The following AUTS2 variants were observed in gnomAD, a reference collection of about 807,000 sequenced individuals.
AUTS2 encodes activator of transcription and developmental regulator AUTS2, also known as autism susceptibility gene 2 protein.
A neutral mutation model predicts 112.4 loss-of-function variants in AUTS2; 17 were observed. The ratio of observed to expected loss-of-function variants is 0.15; its 90% confidence interval spans 0.10 to 0.23. The LOEUF (loss-of-function observed/expected upper bound fraction) is 0.23. AUTS2 is among the 10% of genes least tolerant of loss of function. The probability of loss-of-function intolerance (pLI) is 1.00; values close to 1 mark genes in which losing one functional copy is unlikely to be tolerated. For missense variants in AUTS2, 1,510 were observed against 1,701.6 expected (o/e 0.89, Z 1.98); for synonymous variants, 751 against 702.7 (o/e 1.07, Z -1.09).
intron 1 of AUTS2, among the ~76,000 whole-genome samples, chr7:69,633,564 A>C (rs1338512499): frequency 6.6e-6 from 1 of 151,908 alleles, no homozygotes; most frequent in Non-Finnish European, 1.5e-5. Flanking sequence ...ATTCCCACCA[A>C]CCGTATACAA....
intron 5 of AUTS2, among the ~76,000 whole-genome samples, chr7:70,616,870 G>A (rs2129535619): frequency 6.6e-6 from 1 of 151,268 alleles, no homozygotes; most frequent in East Asian, 2.0e-4. Context: ...GAGGAGATCT[G>A]AAGTGACAAG....
chr7:70,391,818 A>G (rs375042769), intron 4 of AUTS2, among the ~76,000 whole-genome samples: 1 of 152,214 alleles, frequency 6.6e-6, no homozygotes, highest in Non-Finnish European at 1.5e-5. Flanking sequence ...AAGAAATGGC[A>G]AAAGCAAATC....
intron 1 of AUTS2, among the ~76,000 whole-genome samples, chr7:69,743,335 A>G (rs901606074): frequency 1.3e-5 from 2 of 152,208 alleles, no homozygotes; most frequent in African/African-American, 2.4e-5. Context: ...GTCAGTAGCC[A>G]GGGCTTCCTT....
At chr7:69,906,624 G>C (rs1221537156) in intron 2 of AUTS2, among the ~76,000 whole-genome samples, 1 of 152,136 alleles carries the variant, frequency 6.6e-6, no homozygotes, top group Non-Finnish European at 1.5e-5. Context: ...TGAAATTGTG[G>C]GTGGGCTTTA....
At chr7:69,858,513 T>C (rs1232521850) in intron 1 of AUTS2, among the ~76,000 whole-genome samples, 1 of 152,232 alleles carries the variant, frequency 6.6e-6, no homozygotes, top group Non-Finnish European at 1.5e-5. Context: ...TCTGACTTTC[T>C]GTGAAACTCC....
At chr7:70,159,091 C>T (rs1807941614) in intron 4 of AUTS2, among the ~76,000 whole-genome samples, 1 of 152,152 alleles carries the variant, frequency 6.6e-6, no homozygotes, top group Admixed American at 6.5e-5. Context: ...TTAATCATCT[C>T]CTCTCTGAAC....
chr7:69,804,311 A>G (rs1222206550), intron 1 of AUTS2, among the ~76,000 whole-genome samples: 1 of 152,202 alleles, frequency 6.6e-6, no homozygotes, highest in Non-Finnish European at 1.5e-5. Context: ...AAAGCACAGT[A>G]GTGTTGCAGG....
chr7:70,103,628 TGG>T (rs1235443904), intron 2 of AUTS2, among the ~76,000 whole-genome samples: 1 of 152,140 alleles, frequency 6.6e-6, no homozygotes, highest in Non-Finnish European at 1.5e-5. Flanking sequence ...AACAGTAGGC[TGG>T]GTGCAGTGGC....
chr7:69,935,086 C>T (rs990455676), intron 2 of AUTS2, among the ~76,000 whole-genome samples: 1 of 152,128 alleles, frequency 6.6e-6, no homozygotes, highest in Non-Finnish European at 1.5e-5. Context: ...GTCCCTGCCC[C>T]ATATAAGCTC....
intron 5 of AUTS2, among the ~76,000 whole-genome samples, chr7:70,641,539 G>A (rs545874867): frequency 6.5e-4 from 99 of 152,216 alleles, no homozygotes; most frequent in African/African-American, 9.2e-4. Flanking sequence ...GCAACAGAGC[G>A]AGACTCCATC....
chr7:70,090,009 CAAATAAAT>C (rs34279658), intron 2 of AUTS2, among the ~76,000 whole-genome samples: 41 of 144,416 alleles, frequency 2.8e-4, no homozygotes, highest in African/African-American at 4.6e-4. Flanking sequence ...TGTTTCAAAA[CAAATAAAT>C]AAATAAATAA....
intron 1 of AUTS2, among the ~76,000 whole-genome samples, chr7:69,776,759 C>T (rs1406058897): frequency 1.3e-5 from 2 of 152,054 alleles, no homozygotes; most frequent in African/African-American, 4.8e-5. Context: ...GAAGGTATTC[C>T]AGGAATGTTT....
intron 5 of AUTS2, among the ~76,000 whole-genome samples, chr7:70,500,798 T>A (rs1301978274): frequency 6.6e-6 from 1 of 152,024 alleles, no homozygotes; most frequent in Non-Finnish European, 1.5e-5. Context: ...CTCGGCTCAC[T>A]GCAACTTCAG....
intron 2 of AUTS2, among the ~76,000 whole-genome samples, chr7:70,109,792 C>T (rs1372939294): frequency 6.6e-6 from 1 of 152,150 alleles, no homozygotes; most frequent in Non-Finnish European, 1.5e-5. Context: ...CCCTGTCCCC[C>T]ATCATGGCTT....
rs377590614 is a variant in AUTS2, at chr7:70,048,222, C to T, written c.523-69910C>T. Among the ~76,000 whole-genome samples, 7 of 152,308 alleles carry T rather than the reference C, an allele frequency of 4.6e-5. No homozygotes were observed. In the East Asian group the frequency reaches 1.2e-3, roughly 25 times the overall value. On this transcript the variant is annotated intron_variant, in intron 2 of 18. Coordinates refer to ENST00000342771, the MANE Select transcript of AUTS2 (RefSeq NM_015570.4). ...TCTCTCTCATGCAACATGCATTCCT[C>T]GTGTCTCCAGCTGTTTGCTGTTCTC...
At chr7:69,675,076 G>T (rs1425730143) in intron 1 of AUTS2, among the ~76,000 whole-genome samples, 1 of 152,184 alleles carries the variant, frequency 6.6e-6, no homozygotes, top group Non-Finnish European at 1.5e-5. Flanking sequence ...ACCCTTGATA[G>T]TGCTTTCACT....
In AUTS2 at chr7:70,508,623, A is replaced by G. The variant is rs142689083; in HGVS notation, c.690+72842A>G. Among the ~76,000 whole-genome samples, 424 of 152,294 alleles carry G rather than the reference A, an allele frequency of 2.8e-3. 1 individual carries two copies. The highest frequency in any genetic ancestry group is 4.6e-3 in the Non-Finnish European group (315 of 68,030). Reference sequence around the variant, plus strand: ...GGACTGAGAAAATATGAGTGGGGAGAGTGTCTTCATTCAGAACAGAGTGTG... The same window carrying G: ...GGACTGAGAAAATATGAGTGGGGAGGGTGTCTTCATTCAGAACAGAGTGTG... On this transcript the variant is annotated intron_variant, in intron 5 of 18. Coordinates refer to ENST00000342771, the MANE Select transcript of AUTS2 (RefSeq NM_015570.4).
chr7:69,729,311 GCA>G (rs959741978), intron 1 of AUTS2, among the ~76,000 whole-genome samples: 2 of 151,216 alleles, frequency 1.3e-5, no homozygotes, highest in African/African-American at 4.9e-5. Flanking sequence ...ATACTCGCAT[GCA>G]CACACACATT....
chr7:69,687,114 A>G (rs1562810672), intron 1 of AUTS2, among the ~76,000 whole-genome samples: 1 of 152,228 alleles, frequency 6.6e-6, no homozygotes. Flanking sequence ...AACACATACA[A>G]GTCTCATTAT....
Sources: gnomAD v4.1 joint callset for allele counts (sites outside exome capture counted in the v4.1 genomes callset) on GRCh38, gnomAD v4.1.1 for gene constraint, MANE v1.5 for transcripts, NCBI Gene and HGNC (gene_info 2026-07-23, HGNC 2026-07-21) for gene names.